The following TULP4 variants were observed in gnomAD, a reference collection of about 807,000 sequenced individuals.
TULP4 encodes the protein TUB like protein 4.
A neutral mutation model predicts 129.0 loss-of-function variants in TULP4; 16 were observed. The observed-to-expected ratio is 0.12, with a 90% CI of 0.08 to 0.19. The LOEUF (loss-of-function observed/expected upper bound fraction) is 0.19, where lower values mean the gene tolerates loss of function less well. Among genes scored for constraint, TULP4 ranks in the 10% least tolerant of loss-of-function variants. The pLI is 1.00. For missense variants in TULP4, 1,842 were observed against 2,059.1 expected, an observed-to-expected ratio of 0.89 and a Z score of 2.04; for synonymous variants, 998 against 854.0, an observed-to-expected ratio of 1.17 and a Z score of -2.94.
At chr6:158,425,153 CAAAAAAAAAAAA>C (rs562712423) in intron 2 of TULP4, among the ~76,000 whole-genome samples, 2,733 of 39,880 alleles carry the variant, frequency 0.069, 131 homozygotes, top group African/African-American at 0.24. Context: ...GACACCATCT[CAAAAAAAAAAAA>C]AAAAAAAAAA....
At position 158,337,328 on chromosome 6, in the gene TULP4, A is replaced by AC. The variant is rs563692844; in HGVS notation, c.252+23062dup. Among the ~76,000 whole-genome samples the AC allele has an allele frequency of 4.0e-5, 6 of 151,330 alleles. No individual in the cohort carries two copies. The East Asian group carries it at 1.2e-3, about 29-fold the overall frequency. The stretch of plus-strand genomic sequence containing the variant: ...GTATTTTTTGTAGAGATGGGGTTTC[A>AC]CCATGTTGCCCAAACTGGTCTTGAA... On this transcript the variant is annotated intron_variant, in intron 1 of 13. Coordinates refer to ENST00000367097, the MANE Select transcript of TULP4 (RefSeq NM_020245.5).
At chr6:158,404,063 G>C (rs570386436) in intron 1 of TULP4, among the ~76,000 whole-genome samples, 1 of 152,316 alleles carries the variant, frequency 6.6e-6, no homozygotes, top group East Asian at 1.9e-4. Context: ...CTCTCCTAAT[G>C]TCTGATGTGG....
chr6:158,308,392 T>C (rs568250024), upstream of TULP4, among the ~76,000 whole-genome samples: 175 of 151,908 alleles, frequency 1.2e-3, no homozygotes, highest in Non-Finnish European at 1.6e-3. Context: ...AAGTTTCCCA[T>C]GTCTACTTCT....
intron 1 of TULP4, among the ~76,000 whole-genome samples, chr6:158,234,507 G>A (rs1777652281): frequency 6.6e-6 from 1 of 152,228 alleles, no homozygotes; most frequent in Non-Finnish European, 1.5e-5. Flanking sequence ...GCTAAGCTAG[G>A]TCGGAATTTT....
rs759510513 is a variant in TULP4 at position 158,502,683 on chromosome 6, C to T, written c.3020C>T (p.Ala1007Val). The T allele has an allele frequency of 1.3e-5, 21 of 1,556,758 alleles. No individual in the cohort carries two copies. Among genetic ancestry groups the T allele is most frequent in the Admixed American group, 7.1e-5 (4 of 56,478 alleles). The change falls in exon 13 of 14, where the codon GCC (alanine) becomes GTC (valine). Residue 1007 changes from alanine to valine, a missense_variant. Ala to Val is a moderately conservative substitution (Grantham distance 64). Transcript: ENST00000367097. Reference sequence around the variant, plus strand: ...GCCCAGCTGGCCGACAGCCCGCGGGCCCCCCTGCAGCCCCTGGCCAAGTCC... The same window carrying T: ...GCCCAGCTGGCCGACAGCCCGCGGGTCCCCCTGCAGCCCCTGGCCAAGTCC... ...KMAQLADSPRAPLQPLAKSKG... is the reference protein window; with the variant it reads ...KMAQLADSPRVPLQPLAKSKG...
Position 158,503,797 on chromosome 6 carries a change from G to A in TULP4, c.4134G>A (p.Gly1378=). ...FNSLISSPHL[G]REKKKVKSQK... ...CCCTAATCTCCAGCCCACACCTGGG[G>A]AGAGAGAAGAAGAAAGTGAAGAGTC... Residue 1378 remains glycine (G), a synonymous_variant, in exon 13 of 14, where the codon GGG becomes GGA. Transcript: ENST00000367097. This position sits in a 1 kb window ranked among gnomAD's most constrained non-coding sequence, Gnocchi z 4.3. 6.2e-7 allele frequency: 1 copy of A among 1,614,162 alleles called. No individual in the cohort carries two copies. Among genetic ancestry groups the A allele is most frequent in the Non-Finnish European group, 8.5e-7 (1 of 1,180,040 alleles).
chr6:158,481,505 G>T (rs953499556), intron 8 of TULP4: 1 of 596,044 alleles, frequency 1.7e-6, no homozygotes, highest in Admixed American at 2.8e-5. Flanking sequence ...TATTCCATGG[G>T]CAGTGGATAG....
At chr6:158,464,247 G>A (rs1779505535) in intron 6 of TULP4, among the ~76,000 whole-genome samples, 1 of 152,200 alleles carries the variant, frequency 6.6e-6, no homozygotes, top group African/African-American at 2.4e-5. Flanking sequence ...AGAAGTTACA[G>A]ACAAAGACAT....
chr6:158,422,064 A>T (rs984869108), intron 2 of TULP4, among the ~76,000 whole-genome samples: 4 of 152,234 alleles, frequency 2.6e-5, no homozygotes, highest in African/African-American at 9.6e-5. Context: ...ATTTATCTTA[A>T]AATATTATTA....
At chr6:158,347,434 A>C (rs1754405) in intron 1 of TULP4, among the ~76,000 whole-genome samples, 131,882 of 152,180 alleles carry the variant, frequency 0.87, 57,517 homozygotes, top group South Asian at 0.93. Context: ...GTGCACTGAC[A>C]TACTTGGTTA....
chr6:158,502,981 C>T lies in TULP4; in HGVS notation c.3318C>T (p.His1106=). Residue 1106 remains histidine (H), a synonymous_variant, in exon 13 of 14, where the codon CAC becomes CAT. Transcript: ENST00000367097. Reference sequence around the variant, plus strand: ...GTCAGCTTGAGAAGCCCTTGAGGCACCCTCCCCTGCCTGAAGCTGCTGTCA... The same window carrying T: ...GTCAGCTTGAGAAGCCCTTGAGGCATCCTCCCCTGCCTGAAGCTGCTGTCA... The part of the protein sequence containing the change: ...QHCQLEKPLR[H]PPLPEAAVTL... 1 of 1,613,972 alleles carries T rather than the reference C, an allele frequency of 6.2e-7. No individual in the cohort carries two copies.
intron 3 of TULP4, among the ~76,000 whole-genome samples, chr6:158,445,370 T>G (rs1013532664): frequency 1.7e-4 from 26 of 152,034 alleles, no homozygotes; most frequent in African/African-American, 6.3e-4. Flanking sequence ...GGGGGTAGTT[T>G]TATGGGAGGA....
chr6:158,347,910 A>C (rs974862511), intron 1 of TULP4, among the ~76,000 whole-genome samples: 2 of 151,430 alleles, frequency 1.3e-5, no homozygotes, highest in African/African-American at 4.8e-5. Context: ...TTTGGATGAG[A>C]AAAAAAAAGA....
In TULP4 at chr6:158,503,217, A is replaced by G. The variant is rs780928217; in HGVS notation, c.3554A>G (p.Tyr1185Cys). The change falls in exon 13 of 14, where the codon TAT becomes TGT. Residue 1185 changes from tyrosine (Y) to cysteine (C), a missense_variant. Around this residue, in one of 5 missense-constraint regions of TULP4, gnomAD observed 1,089 missense variants for 987.1 expected, o/e 1.10. Coordinates refer to ENST00000367097, the MANE Select transcript of TULP4 (RefSeq NM_020245.5). This position sits in a 1 kb window ranked among gnomAD's most constrained non-coding sequence, Gnocchi z 4.3. The part of the protein sequence containing the change: ...ASPTATFQTG[Y>C]GMGVPYPGSY... ...CCCACTGCCACTTTCCAAACAGGCTATGGGATGGGAGTGCCATATCCAGGA... is the reference window on the plus strand; with the variant it reads ...CCCACTGCCACTTTCCAAACAGGCTGTGGGATGGGAGTGCCATATCCAGGA... The G allele has an allele frequency of 1.9e-6, 3 of 1,614,036 alleles. No individual in the cohort carries two copies. Among genetic ancestry groups the G allele is most frequent in the Non-Finnish European group, 8.5e-7 (1 of 1,180,008 alleles).
intron 1 of TULP4, among the ~76,000 whole-genome samples, chr6:158,259,854 C>A (rs1778318637): frequency 6.6e-6 from 1 of 152,220 alleles, no homozygotes; most frequent in South Asian, 2.1e-4. Context: ...AACTCAGGAA[C>A]AGCCAAATGG....
chr6:158,470,862 T>C (rs1273952496), intron 6 of TULP4, among the ~76,000 whole-genome samples: 1 of 152,214 alleles, frequency 6.6e-6, no homozygotes, highest in Admixed American at 6.5e-5. Flanking sequence ...AGATAAAGAA[T>C]TGGCGACTAA....
At chr6:158,239,027 C>T (rs1777787599) in intron 1 of TULP4, among the ~76,000 whole-genome samples, 1 of 143,802 alleles carries the variant, frequency 7.0e-6, no homozygotes, top group African/African-American at 2.5e-5. Flanking sequence ...CCCCTCACCT[C>T]CCGGACGAGG....
intron 2 of TULP4, among the ~76,000 whole-genome samples, chr6:158,418,116 T>TGGG (rs1393991201): frequency 9.5e-6 from 1 of 104,920 alleles, no homozygotes; most frequent in Non-Finnish European, 2.5e-5. Flanking sequence ...TTTTTTTTTT[T>TGGG]GGGAGCGGGG....
chr6:158,241,679 C>T (rs1777917470), intron 1 of TULP4, among the ~76,000 whole-genome samples: 1 of 152,200 alleles, frequency 6.6e-6, no homozygotes, highest in Non-Finnish European at 1.5e-5. Flanking sequence ...ACCGCAACCT[C>T]TGCGTCTCTG....
Sources: gnomAD v4.1 joint callset for allele counts (sites outside exome capture counted in the v4.1 genomes callset) on GRCh38, gnomAD v4.1.1 for gene constraint, gnomAD v4.1.1 regional missense constraint, Gnocchi (gnomAD v3.1) non-coding constraint, MANE v1.5 for transcripts, NCBI Gene and HGNC (gene_info 2026-07-23, HGNC 2026-07-21) for gene names.